The following APPL2 variants were observed in gnomAD, a reference collection of about 807,000 sequenced individuals.
The protein encoded by APPL2 is adaptor protein, phosphotyrosine interacting with PH domain and leucine zipper 2, also known as DCC-interacting protein 13-beta.
APPL2 carries 84 observed loss-of-function variants against 92.7 expected under a neutral mutation model. The ratio of observed to expected loss-of-function variants is 0.91; its 90% confidence interval spans 0.76 to 1.09. The LOEUF is 1.09. Among genes scored for constraint, APPL2 ranks in the 50% least tolerant of loss-of-function variants. APPL2 has a pLI of 0.00. For missense variants in APPL2, 736 were observed against 824.5 expected (o/e 0.89, Z 1.31); for synonymous variants, 291 against 291.0 (o/e 1.00, Z 0.00).
chr12:105,182,187 C>T (rs1430907803), intron 17 of APPL2, among the ~76,000 whole-genome samples: 2 of 152,150 alleles, frequency 1.3e-5, no homozygotes, highest in African/African-American at 2.4e-5. Flanking sequence ...GCCACCACAC[C>T]TAGCAAATTT....
At chr12:105,176,407 CAG>C (rs1388717405) in intron 19 of APPL2, 6 of 469,002 alleles carry the variant, frequency 1.3e-5, no homozygotes, top group South Asian at 1.0e-4. Flanking sequence ...CAGTGGCAAA[CAG>C]ATAATTTACT....
intron 4 of APPL2, among the ~76,000 whole-genome samples, chr12:105,213,825 T>A (rs1310551020): frequency 6.6e-6 from 1 of 152,240 alleles, no homozygotes; most frequent in Non-Finnish European, 1.5e-5. Context: ...GGTCTTTACA[T>A]CAAAAGGTTT....
chr12:105,176,403 C>A, intron 19 of APPL2: 1 of 470,508 alleles, frequency 2.1e-6, no homozygotes, highest in Non-Finnish European at 3.7e-6. Flanking sequence ...TACACAGTGG[C>A]AAACAGATAA....
chr12:105,195,515 T>TA lies in APPL2; in HGVS notation c.1096-15dup. 6.2e-7 allele frequency: 1 copy of TA among 1,614,160 alleles called. No individual in the cohort carries two copies. Among genetic ancestry groups the TA allele is most frequent in the Non-Finnish European group, 8.5e-7 (1 of 1,180,024 alleles). On this transcript the variant is annotated splice_polypyrimidine_tract_variant and intron_variant, in intron 12 of 20. Coordinates refer to ENST00000258530, the MANE Select transcript of APPL2 (RefSeq NM_018171.5). The stretch of plus-strand genomic sequence containing the variant: ...TGCACATATCCACTGTAGAGGACAT[T>TA]AAAAAAGAACACTGAATCCCAAAGT...
chr12:105,206,562 C>G (rs1320068791), intron 8 of APPL2, among the ~76,000 whole-genome samples: 2 of 152,282 alleles, frequency 1.3e-5, no homozygotes, highest in East Asian at 3.9e-4. Context: ...GATAGAAACC[C>G]AATAAGTAAA....
At chr12:105,221,298 T>C (rs547621902) in intron 2 of APPL2, among the ~76,000 whole-genome samples, 23 of 152,360 alleles carry the variant, frequency 1.5e-4, no homozygotes, top group Non-Finnish European at 3.1e-4. Flanking sequence ...AAGTGCTTGA[T>C]GTTGCTGTTA....
intron 17 of APPL2, among the ~76,000 whole-genome samples, chr12:105,180,509 TAAG>T (rs1399420071): frequency 4.6e-5 from 7 of 152,186 alleles, no homozygotes; most frequent in Non-Finnish European, 7.4e-5. Context: ...CTAACTCTGT[TAAG>T]AAAGTCAGTG....
At position 105,187,420 on chromosome 12, in the gene APPL2, T is replaced by TA. The variant is rs1030028110; in HGVS notation, c.1634+852dup. Among the ~76,000 whole-genome samples, 35 of 152,336 alleles carry TA rather than the reference T, an allele frequency of 2.3e-4. 1 individual carries two copies. Among genetic ancestry groups the TA allele is most frequent in the African/African-American group, 8.4e-4 (35 of 41,576 alleles). ...GACAACAGTGGAGGGTGTGAATAGT[T>TA]ACTTTCATTTTACAGCTGAAAAAAC... On this transcript the variant is annotated intron_variant, in intron 17 of 20. Coordinates refer to ENST00000258530, the MANE Select transcript of APPL2 (RefSeq NM_018171.5).
rs966591232 is a variant in APPL2, at chr12:105,174,879, G to C, written c.1861-431C>G. Reference sequence around the variant, plus strand: ...TGCTGCTGCTGCTTTTTTTTGGTGGGGGGGGGGGTGGTGCGGCGGTTGGAG... The same window carrying C: ...TGCTGCTGCTGCTTTTTTTTGGTGGCGGGGGGGGTGGTGCGGCGGTTGGAG... On this transcript the variant is annotated intron_variant, in intron 20 of 20. Transcript: ENST00000258530. Among the ~76,000 whole-genome samples, 806 of 137,256 alleles carry C rather than the reference G, an allele frequency of 5.9e-3. 61 individuals are homozygous for C. The highest frequency in any genetic ancestry group is 0.037 in the East Asian group (165 of 4,402). The allele number at this position is 137,256 out of a possible 152,430, so 90.0% of individuals were successfully genotyped here. A position where few individuals can be genotyped will look rare whatever the true frequency, so the allele number is the denominator to read the frequency against.
In APPL2 at chr12:105,229,219, C is replaced by T. The variant is rs370643623; in HGVS notation, c.59G>A (p.Arg20His). The change falls in exon 2 of 21, where the codon CGC becomes CAC. Residue 20 changes from arginine (R) to histidine (H), a missense_variant. Arg to His is a conservative substitution (Grantham distance 29). Coordinates refer to ENST00000258530, the MANE Select transcript of APPL2 (RefSeq NM_018171.5). The part of the protein sequence containing the change: ...EEALQDSPQT[R>H]SLLSVFEEDA... Reference sequence around the variant, plus strand: ...TTCTTCAAACACGCTCAGTAAAGAGCGAGTCTGGAAGAAAAGAAGAAAAAA... The same window carrying T: ...TTCTTCAAACACGCTCAGTAAAGAGTGAGTCTGGAAGAAAAGAAGAAAAAA... The T allele has an allele frequency of 1.4e-5, 22 of 1,612,172 alleles. No individual in the cohort carries two copies. Among genetic ancestry groups the T allele is most frequent in the South Asian group, 7.7e-5 (7 of 90,732 alleles).
intron 17 of APPL2, among the ~76,000 whole-genome samples, chr12:105,184,000 A>G (rs1239322424): frequency 1.3e-5 from 2 of 152,010 alleles, no homozygotes; most frequent in African/African-American, 4.8e-5. Context: ...ACTTTATTTC[A>G]TTAAGTTAAT....
chr12:105,199,198 G>A (rs1176956338), intron 10 of APPL2, 175 bp downstream of exon 10: 7 of 702,662 alleles, frequency 1.0e-5, no homozygotes, highest in South Asian at 4.1e-5. Flanking sequence ...GCAGTTTGGC[G>A]CCTGGGCCCC....
At chr12:105,192,008 C>T (rs1224118607) in intron 14 of APPL2, among the ~76,000 whole-genome samples, 1 of 152,126 alleles carries the variant, frequency 6.6e-6, no homozygotes, top group African/African-American at 2.4e-5. Flanking sequence ...GCACTCCAGA[C>T]CTGTATCATC....
intron 4 of APPL2, 118 bp from the exon 5 acceptor site, chr12:105,211,435 T>C: frequency 4.3e-6 from 3 of 692,082 alleles, no homozygotes. Flanking sequence ...TCAGGCAGAC[T>C]TCCTCAGCAA....
At chr12:105,196,276 A>G (rs1180119296) in intron 11 of APPL2, among the ~76,000 whole-genome samples, 1 of 151,660 alleles carries the variant, frequency 6.6e-6, no homozygotes, top group Non-Finnish European at 1.5e-5. Context: ...GATGACCAGG[A>G]CTCCAAGCCC....
intron 2 of APPL2, among the ~76,000 whole-genome samples, chr12:105,228,885 T>C (rs771872016): frequency 3.9e-5 from 6 of 152,018 alleles, no homozygotes; most frequent in Non-Finnish European, 8.8e-5. Context: ...AAAAAAAAAT[T>C]AGGAGCAGTT....
At chr12:105,224,769 C>T (rs936909298) in intron 2 of APPL2, among the ~76,000 whole-genome samples, 3 of 152,212 alleles carry the variant, frequency 2.0e-5, no homozygotes, top group African/African-American at 7.2e-5. Context: ...TTCTCCCTCC[C>T]CCATGACAAA....
At chr12:105,210,806 C>T (rs1889149706) in intron 5 of APPL2, among the ~76,000 whole-genome samples, 3 of 149,618 alleles carry the variant, frequency 2.0e-5, no homozygotes, top group Non-Finnish European at 4.5e-5. Context: ...CCAAACCCCG[C>T]TTTCCATTCC....
At chr12:105,174,876 T>TGGGGGGGGGGGGGGGGGGGG (rs59473626) in intron 20 of APPL2, among the ~76,000 whole-genome samples, 1 of 89,010 alleles carries the variant, frequency 1.1e-5, no homozygotes, top group African/African-American at 4.7e-5. Context: ...TTTTTTTTGG[T>TGGGGGGGGGGGGGGGGGGGG]GGGGGGGGGG....
Sources: gnomAD v4.1 joint callset for allele counts (sites outside exome capture counted in the v4.1 genomes callset) on GRCh38, gnomAD v4.1.1 for gene constraint, MANE v1.5 for transcripts, NCBI Gene and HGNC (gene_info 2026-07-23, HGNC 2026-07-21) for gene names.